Variants in ZNF57 observed in about 807,000 individuals in gnomAD.
ZNF57 encodes zinc finger protein 57, also known as zinc finger protein 424.
ZNF57 carries 11 observed loss-of-function variants against 13.4 expected under a neutral mutation model. The ratio of observed to expected loss-of-function variants is 0.82; its 90% CI spans 0.52 to 1.36. The LOEUF (loss-of-function observed/expected upper bound fraction) is 1.36, where lower values mean the gene tolerates loss of function less well. ZNF57 is among the 40% of genes most tolerant of loss of function. The pLI, the probability that ZNF57 is intolerant of heterozygous loss-of-function variation, is 0.00. For missense variants in ZNF57, 696 were observed against 667.5 expected (o/e 1.04, Z -0.47); for synonymous variants, 224 against 238.5 (o/e 0.94, Z 0.56).
At chr19:2,903,768 G>A (rs1872078802) in intron 1 of ZNF57, among the ~76,000 whole-genome samples, 1 of 150,802 alleles carries the variant, frequency 6.6e-6, no homozygotes, top group African/African-American at 2.4e-5. Flanking sequence ...AGGCTGGAGT[G>A]CAGTGGTGCG....
chr19:2,910,873 C>T (rs1362126293), intron 1 of ZNF57, among the ~76,000 whole-genome samples: 2 of 148,674 alleles, frequency 1.3e-5, no homozygotes, highest in African/African-American at 4.9e-5. Flanking sequence ...GGATGACGGG[C>T]GTGAGCCACC....
chr19:2,918,075 T>A lies in ZNF57; in HGVS notation c.1454T>A (p.Phe485Tyr), dbSNP rs745654096. 1.1e-5 allele frequency: 18 copies of A among 1,614,186 alleles called. 1 individual carries two copies. The South Asian group carries it at 2.0e-4, about 18-fold the overall frequency. The change falls in exon 4 of 4, where the codon TTC becomes TAC. Residue 485 changes from phenylalanine to tyrosine, a missense_variant. By Grantham distance (22) the Phe-to-Tyr change is conservative. Transcript: ENST00000306908. ...GAGTGTAAACAATGTGGAAAAACCT[T>A]CACTTGGTCCTCAACCTTACATAAT... ...PYECKQCGKT[F>Y]TWSSTLHNHV... is the part of the protein sequence containing the mutation.
At chr19:2,909,029 A>G (rs186402718) in intron 1 of ZNF57, among the ~76,000 whole-genome samples, 1 of 152,130 alleles carries the variant, frequency 6.6e-6, no homozygotes, top group Non-Finnish European at 1.5e-5. Flanking sequence ...TTAGCCTGTT[A>G]GAGCTCCATT....
chr19:2,917,748 C>A lies in ZNF57; in HGVS notation c.1127C>A (p.Ser376Tyr). 2.5e-6 allele frequency: 4 copies of A among 1,613,470 alleles called. No homozygotes were observed. The highest frequency in any genetic ancestry group is 3.4e-6 in the Non-Finnish European group (4 of 1,179,874). Residue 376 changes from serine to tyrosine, a missense_variant, in exon 4 of 4, where the codon TCC (serine) becomes TAC (tyrosine). Transcript: ENST00000306908. The stretch of plus-strand genomic sequence containing the variant: ...CAATGTGGGAAAGCCTTCACTTGGT[C>A]CTCAACGTTTAGAGAACATGTGAGA... ...CKQCGKAFTW[S>Y]STFREHVRIH... is the part of the protein sequence containing the mutation.
In ZNF57 at chr19:2,910,556, G is replaced by A. The variant is rs1209909857; in HGVS notation, c.4-4966G>A. Among the ~76,000 whole-genome samples, 2 of 97,616 alleles carry A rather than the reference G, an allele frequency of 2.0e-5. 1 individual carries two copies. The highest frequency in any genetic ancestry group is 2.6e-4 in the Admixed American group (2 of 7,814). 64.0% of individuals were successfully genotyped at this position (97,616 alleles called of 152,430 possible). A position where few individuals can be genotyped will look rare whatever the true frequency, so the allele number is the denominator to read the frequency against. On this transcript the variant is annotated intron_variant, in intron 1 of 3. Transcript: ENST00000306908. ...GCTCACTGCAAGCGCCGCCTCCTGGGTTCACGCCATTCTCCTGCCTCAGCC... is the reference window on the plus strand; with the variant it reads ...GCTCACTGCAAGCGCCGCCTCCTGGATTCACGCCATTCTCCTGCCTCAGCC...
At position 2,918,254 on chromosome 19, in the gene ZNF57, G is replaced by C; in HGVS notation, c.1633G>C (p.Val545Leu). ...QSYSKAFSCQVILSKTSESTH is the reference protein window; with the variant it reads ...QSYSKAFSCQLILSKTSESTH The stretch of plus-strand genomic sequence containing the variant: ...ATACTCAAAAGCCTTCAGTTGCCAA[G>C]TCATTCTTTCTAAAACCAGTGAGAG... The change falls in exon 4 of 4, where the codon GTC (valine) becomes CTC (leucine). Residue 545 changes from valine (V) to leucine (L), a missense_variant. Transcript: ENST00000306908. 6.2e-7 allele frequency: 1 copy of C among 1,611,296 alleles called. No homozygotes were observed. The highest frequency in any genetic ancestry group is 8.5e-7 in the Non-Finnish European group (1 of 1,178,292).
At chr19:2,904,291 A>G (rs1054676836) in intron 1 of ZNF57, among the ~76,000 whole-genome samples, 2 of 152,214 alleles carry the variant, frequency 1.3e-5, no homozygotes, top group African/African-American at 4.8e-5. Context: ...TAGTTCAATC[A>G]TTCCAGCGTT....
At chr19:2,912,566 G>A (rs182902080) in intron 1 of ZNF57, among the ~76,000 whole-genome samples, 3 of 152,180 alleles carry the variant, frequency 2.0e-5, no homozygotes, top group Admixed American at 6.5e-5. Flanking sequence ...GTTTGAGGGG[G>A]CAGAGCTTGC....
intron 1 of ZNF57, among the ~76,000 whole-genome samples, chr19:2,913,102 C>T (rs568475886): frequency 2.6e-5 from 4 of 152,136 alleles, no homozygotes; most frequent in East Asian, 1.9e-4. Flanking sequence ...TACAGGCATC[C>T]GCCACCACGC....
chr19:2,917,056 C>T lies in ZNF57; in HGVS notation c.435C>T (p.Cys145=). ...AAAAACCATATGAATGCACCAAGTG[C>T]AGGACAGTCTTCACGCATCTTTCTT... ...AGEKPYECTK[C]RTVFTHLSSL... is the part of the protein sequence containing the mutation. Residue 145 remains cysteine (C), a synonymous_variant, in exon 4 of 4, where the codon TGC becomes TGT. Coordinates refer to ENST00000306908, the MANE Select transcript of ZNF57 (RefSeq NM_173480.3). 1 of 1,614,206 alleles carries T rather than the reference C, an allele frequency of 6.2e-7. No homozygotes were observed. Among genetic ancestry groups the T allele is most frequent in the Non-Finnish European group, 8.5e-7 (1 of 1,180,034 alleles).
In ZNF57 at chr19:2,917,023, T is replaced by C. The variant is rs2088206931; in HGVS notation, c.402T>C (p.Ser134=). 1 of 1,614,168 alleles carries C rather than the reference T, an allele frequency of 6.2e-7. No homozygotes were observed. Among genetic ancestry groups the C allele is most frequent in the Non-Finnish European group, 8.5e-7 (1 of 1,180,008 alleles). The change falls in exon 4 of 4, where the codon TCT becomes TCC. Residue 134 remains serine, a synonymous_variant. Transcript: ENST00000306908. ...ATCTTACCCTGCACAAGAAAGTTTCTGCTGGAGAAAAACCATATGAATGCA... is the reference window on the plus strand; with the variant it reads ...ATCTTACCCTGCACAAGAAAGTTTCCGCTGGAGAAAAACCATATGAATGCA... ...MPDLTLHKKV[S]AGEKPYECTK...
intron 1 of ZNF57, among the ~76,000 whole-genome samples, chr19:2,907,591 G>A (rs141508734): frequency 1.4e-4 from 21 of 152,214 alleles, no homozygotes; most frequent in African/African-American, 4.3e-4. Context: ...ATACTGTACT[G>A]GCAAGATTGA....
In ZNF57 at chr19:2,910,387, T is replaced by C. The variant is rs2088119592; in HGVS notation, c.4-5135T>C. 6.4e-5 allele frequency among the ~76,000 whole-genome samples: 3 copies of C among 46,924 alleles called. 1 individual carries two copies. Among genetic ancestry groups the C allele is most frequent in the Non-Finnish European group, 1.4e-4 (2 of 14,416 alleles). The allele number at this position is 46,924 out of a possible 152,430, so 30.8% of individuals were successfully genotyped here. A position where few individuals can be genotyped will look rare whatever the true frequency, so the allele number is the denominator to read the frequency against. Reference sequence around the variant, plus strand: ...TGAAGTTGTCTACAGACATTCATCATTGGGGGTGCTGTTGAATTCAACTCT... The same window carrying C: ...TGAAGTTGTCTACAGACATTCATCACTGGGGGTGCTGTTGAATTCAACTCT... On this transcript the variant is annotated intron_variant, in intron 1 of 3. Coordinates refer to ENST00000306908, the MANE Select transcript of ZNF57 (RefSeq NM_173480.3).
chr19:2,905,407 G>GC (rs752129900), intron 1 of ZNF57, among the ~76,000 whole-genome samples: 9,722 of 35,628 alleles, frequency 0.27, 3,541 homozygotes, highest in Admixed American at 0.36. Flanking sequence ...TCAGGTGATC[G>GC]CCCCCCCCCC....
At chr19:2,909,357 T>C (rs2088112659) in intron 1 of ZNF57, among the ~76,000 whole-genome samples, 1 of 74,458 alleles carries the variant, frequency 1.3e-5, no homozygotes, top group African/African-American at 4.1e-5. Flanking sequence ...CTCGGCTCAC[T>C]GCAAGCTCTG....
chr19:2,901,558 G>T (rs1160071580), intron 1 of ZNF57, among the ~76,000 whole-genome samples: 1 of 151,906 alleles, frequency 6.6e-6, no homozygotes. Flanking sequence ...GTCCCGCTCT[G>T]TCGCCAGGCT....
chr19:2,912,272 C>T (rs1409401382), intron 1 of ZNF57: 5 of 152,194 alleles, frequency 3.3e-5, no homozygotes, highest in Admixed American at 2.6e-4. Flanking sequence ...GTAATTTAGA[C>T]ACTGATGAAA....
intron 1 of ZNF57, among the ~76,000 whole-genome samples, chr19:2,901,892 C>A (rs190395305): frequency 6.6e-6 from 1 of 152,160 alleles, no homozygotes; most frequent in East Asian, 1.9e-4. Flanking sequence ...GTGGGTGTTA[C>A]AAAGTACATT....
At chr19:2,910,875 T>TGAGCCACCGGGCCC (rs954037031) in intron 1 of ZNF57, among the ~76,000 whole-genome samples, 4 of 148,572 alleles carry the variant, frequency 2.7e-5, no homozygotes, top group African/African-American at 9.8e-5. Context: ...ATGACGGGCG[T>TGAGCCACCGGGCCC]GAGCCACCGG....
Sources: allele counts gnomAD v4.1 joint callset (sites outside exome capture counted in the v4.1 genomes callset), GRCh38; gene constraint gnomAD v4.1.1; transcripts MANE v1.5; gene names NCBI Gene and HGNC (gene_info 2026-07-23, HGNC 2026-07-21).